ZNF831: variants seen among roughly 807,000 people sequenced by gnomAD.
ZNF831 encodes chromosome 20 open reading frame 174.
ZNF831 carries 59 observed loss-of-function variants against 95.8 expected under a neutral mutation model. The ratio of observed to expected loss-of-function variants is 0.62; its 90% CI spans 0.50 to 0.77. The LOEUF (loss-of-function observed/expected upper bound fraction) is 0.77. Ranked by LOEUF, ZNF831 falls within the 30% of genes least tolerant of loss-of-function variation. ZNF831 has a pLI of 0.00. For synonymous variants in ZNF831, 961 were observed against 925.5 expected (o/e 1.04, Z -0.70); for missense variants, 2,205 against 2,164.0 (o/e 1.02, Z -0.38).
At chr20:59,222,482 T>C (rs1029062426) in intron 4 of ZNF831, among the ~76,000 whole-genome samples, 7 of 151,080 alleles carry the variant, frequency 4.6e-5, no homozygotes, top group South Asian at 2.1e-4. Context: ...GGCTCTGTTT[T>C]TCTCTCTCTC....
chr20:59,202,303 CA>C (rs1410190227), intron 3 of ZNF831, among the ~76,000 whole-genome samples: 5 of 147,062 alleles, frequency 3.4e-5, no homozygotes, highest in African/African-American at 1.3e-4. Flanking sequence ...TAGTCTCTTG[CA>C]CTTGACTCTT....
In ZNF831 at chr20:59,253,113, G is replaced by C; in HGVS notation, c.4163G>C (p.Arg1388Thr). ...CTTGGTACAAGTTCAAGAATTGTCA[G>C]GGAAATGGACAAACGAACTGTGAAG... is the stretch of plus-strand genomic sequence containing the variant. Reference protein sequence around the residue: ...LSLGTSSRIVREMDKRTVKDI... With the variant: ...LSLGTSSRIVTEMDKRTVKDI... The change falls in exon 5 of 6, where the codon AGG (arginine) becomes ACG (threonine). Residue 1388 changes from arginine to threonine, a missense_variant. Transcript: ENST00000371030. 6.2e-7 allele frequency: 1 copy of C among 1,614,098 alleles called. No homozygotes were observed.
In ZNF831 at chr20:59,217,137, G is replaced by A. The variant is rs1029672126; in HGVS notation, c.4027+10081G>A. ...AGGTAAAATGACAGTTTGGAGTCTGGAGTACATCTGACAGATCTTCATCTC... is the reference window on the plus strand; with the variant it reads ...AGGTAAAATGACAGTTTGGAGTCTGAAGTACATCTGACAGATCTTCATCTC... On this transcript the variant is annotated intron_variant, in intron 4 of 5. Coordinates refer to ENST00000371030, the MANE Select transcript of ZNF831 (RefSeq NM_178457.3). The surrounding 1 kb of genome is among the most constrained non-coding windows in gnomAD (Gnocchi z 4.4). Among the ~76,000 whole-genome samples, 9 of 151,454 alleles carry A rather than the reference G, an allele frequency of 5.9e-5. No homozygotes were observed. The highest frequency in any genetic ancestry group is 1.2e-4 in the African/African-American group (5 of 40,978).
intron 3 of ZNF831, among the ~76,000 whole-genome samples, chr20:59,201,817 G>C (rs1217826832): frequency 6.6e-6 from 1 of 152,112 alleles, no homozygotes; most frequent in Admixed American, 6.5e-5. Flanking sequence ...AAAGAGTGTG[G>C]TTTTTGCATC....
rs768443242 is a variant in ZNF831 at position 59,192,641 on chromosome 20, G to T, written c.1622G>T (p.Arg541Leu). Residue 541 changes from arginine (R) to leucine (L), a missense_variant, in exon 2 of 6, where the codon CGC (arginine) becomes CTC (leucine). By Grantham distance (102) the Arg-to-Leu change is moderately radical. Coordinates refer to ENST00000371030, the MANE Select transcript of ZNF831 (RefSeq NM_178457.3). The surrounding 1 kb of genome is among the most constrained non-coding windows in gnomAD (Gnocchi z 5.2). ...CTGAGCCCCAGGCCCGGCCCAGCCC[G>T]CCTGGGCTGCCGCTCGGGACTAAGC... Reference protein sequence around the residue: ...KPLSPRPGPARLGCRSGLSST... With the variant: ...KPLSPRPGPALLGCRSGLSST... 3.6e-5 allele frequency: 54 copies of T among 1,502,514 alleles called. No homozygotes were observed. Among genetic ancestry groups the T allele is most frequent in the Non-Finnish European group, 4.5e-5 (51 of 1,128,006 alleles). The allele number at this position is 1,502,514 out of a possible 1,614,324, so 93.1% of individuals were successfully genotyped here.
intron 1 of ZNF831, among the ~76,000 whole-genome samples, chr20:59,176,693 G>A (rs1982193298): frequency 1.3e-5 from 2 of 152,154 alleles, no homozygotes; most frequent in African/African-American, 4.8e-5. Flanking sequence ...TCTGACATGG[G>A]CAGTTTAAGA....
chr20:59,210,923 C>T (rs1985267964), intron 4 of ZNF831, among the ~76,000 whole-genome samples: 1 of 135,648 alleles, frequency 7.4e-6, no homozygotes, highest in South Asian at 2.3e-4. Flanking sequence ...GTCCCAGCTA[C>T]TCGGGAGGCT....
intron 4 of ZNF831, among the ~76,000 whole-genome samples, chr20:59,218,152 T>C (rs963366917): frequency 2.6e-5 from 4 of 152,240 alleles, no homozygotes; most frequent in African/African-American, 2.4e-5. Context: ...TTCCTCATTA[T>C]AAACAGAAGC....
At position 59,140,993 on chromosome 20, in the gene ZNF831, A is replaced by G. The variant is rs564446503; in HGVS notation, c.-1424-5238A>G. Among the ~76,000 whole-genome samples, 163 of 151,980 alleles carry G rather than the reference A, an allele frequency of 1.1e-3. 2 individuals are homozygous for G. The highest frequency in any genetic ancestry group is 3.8e-3 in the African/African-American group (158 of 41,300). On this transcript the variant is annotated intron_variant, in intron 1 of 7. Transcript: ENST00000637017. ...CAGCTCACTGCAACCTCTTCCTCCCAGGTTCAAGCAATTCTTCTGCCTCAG... is the reference window on the plus strand; with the variant it reads ...CAGCTCACTGCAACCTCTTCCTCCCGGGTTCAAGCAATTCTTCTGCCTCAG...
chr20:59,165,014 C>G (rs1166725723), intron 1 of ZNF831, among the ~76,000 whole-genome samples: 1 of 152,156 alleles, frequency 6.6e-6, no homozygotes, highest in Non-Finnish European at 1.5e-5. Context: ...TAACCACCCT[C>G]GCTTTATTGC....
chr20:59,237,956 C>T (rs1004345642), intron 4 of ZNF831, among the ~76,000 whole-genome samples: 2 of 152,090 alleles, frequency 1.3e-5, no homozygotes, highest in African/African-American at 4.8e-5. Context: ...TACAGAACTC[C>T]CAGAATACGT....
intron 3 of ZNF831, among the ~76,000 whole-genome samples, chr20:59,198,761 G>A (rs1984306667): frequency 6.6e-6 from 1 of 152,216 alleles, no homozygotes; most frequent in South Asian, 2.1e-4. Context: ...TTGGTTGATA[G>A]TGATTTGTTT....
intron 2 of ZNF831, among the ~76,000 whole-genome samples, chr20:59,155,249 A>T (rs943411465): frequency 8.5e-5 from 13 of 152,140 alleles, no homozygotes; most frequent in Non-Finnish European, 1.6e-4. Context: ...TAAAGGCAAA[A>T]CCTCTCAGAA....
At chr20:59,125,804 A>G (rs1427947020) in intron 1 of ZNF831, among the ~76,000 whole-genome samples, 1 of 152,190 alleles carries the variant, frequency 6.6e-6, no homozygotes, top group Non-Finnish European at 1.5e-5. Context: ...ATTTTAATCT[A>G]AAGCCGTGAC....
intron 2 of ZNF831, among the ~76,000 whole-genome samples, chr20:59,152,468 G>T (rs1447702974): frequency 6.6e-6 from 1 of 152,136 alleles, no homozygotes; most frequent in Non-Finnish European, 1.5e-5. Flanking sequence ...AGGAGAGCCT[G>T]GGGGCCTTTG....
intron 3 of ZNF831, among the ~76,000 whole-genome samples, chr20:59,200,533 CAT>C (rs910897907): frequency 6.6e-6 from 1 of 151,836 alleles, no homozygotes; most frequent in Non-Finnish European, 1.5e-5. Flanking sequence ...TAAATTTTGA[CAT>C]ATATATATAC....
chr20:59,237,354 CTTTTTA>C (rs1273640007), intron 4 of ZNF831, among the ~76,000 whole-genome samples: 2 of 152,022 alleles, frequency 1.3e-5, no homozygotes, highest in East Asian at 3.9e-4. Context: ...TGCTTGTGAG[CTTTTTA>C]TTTTGAGACA....
At chr20:59,128,296 A>G (rs1364377363) in intron 1 of ZNF831, among the ~76,000 whole-genome samples, 3 of 152,230 alleles carry the variant, frequency 2.0e-5, no homozygotes, top group Admixed American at 1.3e-4. Flanking sequence ...TTTGATGAGC[A>G]GTGGCCAGCG....
intron 1 of ZNF831, among the ~76,000 whole-genome samples, chr20:59,173,047 TCTACC>T (rs1981869263): frequency 6.6e-6 from 1 of 152,166 alleles, no homozygotes; most frequent in South Asian, 2.1e-4. Context: ...TTTCAAGGCA[TCTACC>T]CTAAGTGAAG....
Sources: allele counts gnomAD v4.1 joint callset (sites outside exome capture counted in the v4.1 genomes callset), GRCh38; gene constraint gnomAD v4.1.1; non-coding constraint Gnocchi (gnomAD v3.1); transcripts MANE v1.5; gene names NCBI Gene and HGNC (gene_info 2026-07-23, HGNC 2026-07-21).